ALDH6A1: variants seen among roughly 807,000 people sequenced by gnomAD.
ALDH6A1 encodes methylmalonate-semialdehyde/malonate-semialdehyde dehydrogenase [acylating], mitochondrial.
In ALDH6A1, 43 loss-of-function variants were observed where a neutral mutation model predicts 62.6. That is an observed-to-expected ratio of 0.69 (90% CI 0.54 to 0.89). The LOEUF (loss-of-function observed/expected upper bound fraction) is 0.89, where lower values mean the gene tolerates loss of function less well. ALDH6A1 is among the 40% of genes least tolerant of loss of function. ALDH6A1 has a pLI of 0.00. For synonymous variants in ALDH6A1, 194 were observed against 234.2 expected (o/e 0.83, Z 1.57); for missense variants, 551 against 661.3 (o/e 0.83, Z 1.83).
chr14:74,064,256 C>A (rs1019490581), intron 11 of ALDH6A1, among the ~76,000 whole-genome samples: 1 of 150,784 alleles, frequency 6.6e-6, no homozygotes, highest in East Asian at 2.0e-4. Context: ...TAAGACCATG[C>A]CACAGCACTC....
chr14:74,083,933 G>A (rs1012886458), intron 1 of ALDH6A1, among the ~76,000 whole-genome samples: 1 of 152,180 alleles, frequency 6.6e-6, no homozygotes, highest in African/African-American at 2.4e-5. Flanking sequence ...CAATGGCAAA[G>A]TGGACGCTCA....
chr14:74,075,144 T>TC, intron 1 of ALDH6A1, 127 bp from the exon 2 acceptor site: 1 of 780,410 alleles, frequency 1.3e-6, no homozygotes, highest in Non-Finnish European at 2.2e-6. Flanking sequence ...GGCCATACAG[T>TC]CATTAAAGAG....
chr14:74,061,802 A>T (rs188501756), intron 11 of ALDH6A1, among the ~76,000 whole-genome samples: 39 of 152,318 alleles, frequency 2.6e-4, no homozygotes, highest in Admixed American at 1.6e-3. Context: ...GATATAGTTT[A>T]TAAGAGTAGG....
intron 11 of ALDH6A1, among the ~76,000 whole-genome samples, chr14:74,063,156 C>T (rs183934741): frequency 3.9e-3 from 600 of 152,170 alleles, no homozygotes; most frequent in Admixed American, 8.3e-3. Context: ...GACATATGCA[C>T]CTGTTGGCCG....
Position 74,060,500 on chromosome 14 carries a change from G to A in ALDH6A1, c.*142C>T, listed in dbSNP as rs8017248. On this transcript the variant is annotated 3_prime_UTR_variant, in exon 12 of 12. Transcript: ENST00000553458. ...AGGCAGTTCCCTATAGAAACTTTGC[G>A]GGGGTTAATAGTCCTGAGGAAGATT... The A allele has an allele frequency of 0.98, 700,980 of 716,686 alleles. 342,905 individuals carry two copies. Among genetic ancestry groups the A allele is most frequent in the East Asian group, 1 (36,948 of 36,948 alleles). 44.4% of individuals were successfully genotyped at this position (716,686 alleles called of 1,614,324 possible).
At position 74,084,352 on chromosome 14, in the gene ALDH6A1, G is replaced by A; in HGVS notation, c.43C>T (p.Leu15=). Residue 15 remains leucine, a synonymous_variant, in exon 1 of 12, where the codon CTG becomes TTG. Transcript: ENST00000553458. ...TTGGCACCACCCTCACTCGCCTGCAGGATCCGGGCTCGCACTGCCGCCGCC... is the reference window on the plus strand; with the variant it reads ...TTGGCACCACCCTCACTCGCCTGCAAGATCCGGGCTCGCACTGCCGCCGCC... ...LAAAAVRARI[L]QVSSKVKSSP... 6.2e-7 allele frequency: 1 copy of A among 1,613,674 alleles called. No individual in the cohort carries two copies. Among genetic ancestry groups the A allele is most frequent in the Non-Finnish European group, 8.5e-7 (1 of 1,179,926 alleles).
rs774455890 is a variant in ALDH6A1, at chr14:74,066,766, A to G, written c.1163T>C (p.Ile388Thr). The G allele has an allele frequency of 1.2e-6, 2 of 1,613,878 alleles. No homozygotes were observed. Among genetic ancestry groups the G allele is most frequent in the African/African-American group, 2.7e-5 (2 of 74,864 alleles). The change falls in exon 9 of 12, where the codon ATT becomes ACT. Residue 388 changes from isoleucine (I) to threonine (T), a missense_variant. Ile to Thr is a moderately conservative substitution (Grantham distance 89). Transcript: ENST00000553458. ...GCCATTTTCATAGCCTTTCACTTTAATTTTTCGTCCATCAAGAAGGATGGA... is the reference window on the plus strand; with the variant it reads ...GCCATTTTCATAGCCTTTCACTTTAGTTTTTCGTCCATCAAGAAGGATGGA... ...GASILLDGRK[I>T]KVKGYENGNF...
At position 74,059,352 on chromosome 14, in the gene ALDH6A1, T is replaced by C. The variant is rs1301932052; in HGVS notation, c.*1290A>G. 1 of 456,516 alleles carries C rather than the reference T, an allele frequency of 2.2e-6. No individual in the cohort carries two copies. Among genetic ancestry groups the C allele is most frequent in the East Asian group, 7.0e-5 (1 of 14,378 alleles). 28.3% of individuals were successfully genotyped at this position (456,516 alleles called of 1,614,324 possible). On this transcript the variant is annotated 3_prime_UTR_variant, in exon 12 of 12. Transcript: ENST00000553458. The stretch of plus-strand genomic sequence containing the variant: ...TTACCCATTTTCATGGTTGGAACAA[T>C]CCTTGATTTCTGGGCCTAAAATAAC...
intron 2 of ALDH6A1, among the ~76,000 whole-genome samples, chr14:74,073,382 G>A (rs1386286820): frequency 6.6e-6 from 1 of 152,072 alleles, no homozygotes; most frequent in Admixed American, 6.6e-5. Flanking sequence ...TGGGATTACA[G>A]GCGTGAGTCA....
At chr14:74,065,822 ATGTC>A (rs1159986993) in intron 9 of ALDH6A1, 1 of 177,496 alleles carries the variant, frequency 5.6e-6, no homozygotes, top group East Asian at 1.5e-4. Flanking sequence ...CCTCCCAAAT[ATGTC>A]TGTATGTTTA....
intron 11 of ALDH6A1, among the ~76,000 whole-genome samples, chr14:74,064,263 A>G (rs572807941): frequency 1.5e-3 from 222 of 150,318 alleles, no homozygotes; most frequent in Middle Eastern, 0.01. Context: ...ATGCCACAGC[A>G]CTCCAGCCTG....
chr14:74,072,436 G>A, intron 3 of ALDH6A1, 72 bp from the exon 4 acceptor site: 1 of 1,613,166 alleles, frequency 6.2e-7, no homozygotes, highest in Non-Finnish European at 8.5e-7. Context: ...TCACAGAAGT[G>A]GCACTATGTG....
In ALDH6A1 at chr14:74,064,923, A is replaced by G; in HGVS notation, c.1405-3T>C. On this transcript the variant is annotated splice_region_variant and splice_polypyrimidine_tract_variant and intron_variant, in intron 10 of 11. Transcript: ENST00000553458. ...GGAATGGGGACATTCACTCCCACCT[A>G]AAACAGAACAAATCCGTGTCATATC... 1 of 1,611,710 alleles carries G rather than the reference A, an allele frequency of 6.2e-7. No homozygotes were observed. Among genetic ancestry groups the G allele is most frequent in the Non-Finnish European group, 8.5e-7 (1 of 1,178,004 alleles).
chr14:74,075,836 C>T (rs2139805006), intron 1 of ALDH6A1, among the ~76,000 whole-genome samples: 1 of 152,132 alleles, frequency 6.6e-6, no homozygotes, highest in East Asian at 1.9e-4. Context: ...CCAATGTCTA[C>T]CATTGGATGG....
In ALDH6A1 at chr14:74,057,938, G is replaced by T. The variant is rs2060255822; in HGVS notation, c.*2704C>A. Reference sequence around the variant, plus strand: ...GATTTCCCTTAAATATAAGGAAAATGTTAGGAATCTCTGTGACTACATTTA... The same window carrying T: ...GATTTCCCTTAAATATAAGGAAAATTTTAGGAATCTCTGTGACTACATTTA... On this transcript the variant is annotated 3_prime_UTR_variant, in exon 12 of 12. Coordinates refer to ENST00000553458, the MANE Select transcript of ALDH6A1 (RefSeq NM_005589.4). The T allele has an allele frequency of 2.1e-6, 2 of 971,460 alleles. No homozygotes were observed. Among genetic ancestry groups the T allele is most frequent in the Non-Finnish European group, 2.5e-6 (2 of 814,162 alleles). 60.2% of individuals were successfully genotyped at this position (971,460 alleles called of 1,614,324 possible). A position where few individuals can be genotyped will look rare whatever the true frequency, so the allele number is the denominator to read the frequency against.
At chr14:74,064,191 G>A (rs1000851927) in intron 11 of ALDH6A1, among the ~76,000 whole-genome samples, 18 of 151,528 alleles carry the variant, frequency 1.2e-4, no homozygotes, top group Non-Finnish European at 1.8e-4. Flanking sequence ...CCAGCTATTC[G>A]GGAGGCTGAG....
chr14:74,079,070 C>G (rs2060643877), intron 1 of ALDH6A1, among the ~76,000 whole-genome samples: 1 of 151,790 alleles, frequency 6.6e-6, no homozygotes, highest in Non-Finnish European at 1.5e-5. Context: ...GCTTAACTAT[C>G]TAGATCCTGA....
chr14:74,084,358 G>C lies in ALDH6A1; in HGVS notation c.37C>G (p.Arg13Gly). Residue 13 changes from arginine to glycine, a missense_variant, in exon 1 of 12, where the codon CGG (arginine) becomes GGG (glycine). Arg to Gly is a moderately radical substitution (Grantham distance 125). Transcript: ENST00000553458. The stretch of plus-strand genomic sequence containing the variant: ...CCACCCTCACTCGCCTGCAGGATCC[G>C]GGCTCGCACTGCCGCCGCCGCCAAT... Reference protein sequence around the residue: ...ALLAAAAVRARILQVSSKVKS... With the variant: ...ALLAAAAVRAGILQVSSKVKS... The C allele has an allele frequency of 6.2e-7, 1 of 1,613,442 alleles. No individual in the cohort carries two copies. The highest frequency in any genetic ancestry group is 8.5e-7 in the Non-Finnish European group (1 of 1,179,894).
intron 1 of ALDH6A1, among the ~76,000 whole-genome samples, chr14:74,079,285 T>C (rs2060646155): frequency 6.6e-6 from 1 of 151,148 alleles, no homozygotes; most frequent in African/African-American, 2.5e-5. Flanking sequence ...GAGACCTGCC[T>C]GCACTCAATG....
Sources: gnomAD v4.1 joint callset for allele counts (sites outside exome capture counted in the v4.1 genomes callset) on GRCh38, gnomAD v4.1.1 for gene constraint, MANE v1.5 for transcripts, NCBI Gene and HGNC (gene_info 2026-07-23, HGNC 2026-07-21) for gene names.